NUAK1: variants seen among roughly 807,000 people sequenced by gnomAD.
The protein encoded by NUAK1 is NUAK family kinase 1, also known as NUAK family SNF1-like kinase 1.
A neutral mutation model predicts 56.9 loss-of-function variants in NUAK1; 26 were observed. The observed-to-expected ratio is 0.46, with a 90% CI of 0.33 to 0.63. The LOEUF (loss-of-function observed/expected upper bound fraction) is 0.63, where lower values mean the gene tolerates loss of function less well. Ranked by LOEUF, NUAK1 falls within the 30% of genes least tolerant of loss-of-function variation. The pLI is 0.02. For missense variants in NUAK1, 727 were observed against 876.1 expected, an observed-to-expected ratio of 0.83 and a Z score of 2.15; for synonymous variants, 337 against 336.0, an observed-to-expected ratio of 1.00 and a Z score of -0.03.
chr12:106,125,319 A>G (rs2033015926), intron 1 of NUAK1, among the ~76,000 whole-genome samples: 1 of 152,208 alleles, frequency 6.6e-6, no homozygotes, highest in Admixed American at 6.5e-5. Context: ...GGATCATGAA[A>G]TTAAGTTCTT....
Position 106,086,727 on chromosome 12 carries a change from G to A in NUAK1, c.513+7C>T. The A allele has an allele frequency of 6.2e-7, 1 of 1,607,524 alleles. No homozygotes were observed. The highest frequency in any genetic ancestry group is 1.1e-5 in the South Asian group (1 of 90,830). ...CGGCCAAAGCTGCGGGCCAGGCGCAGCCATACCTTGTGACAATAGTGCACA... is the reference window on the plus strand; with the variant it reads ...CGGCCAAAGCTGCGGGCCAGGCGCAACCATACCTTGTGACAATAGTGCACA... On this transcript the variant is annotated splice_region_variant and intron_variant, in intron 3 of 6. Transcript: ENST00000261402.
Position 106,065,478 on chromosome 12 carries a change from T to C in NUAK1, c.*1324A>G, listed in dbSNP as rs1380096706. The C allele has an allele frequency of 6.6e-6, 1 of 151,972 alleles. No individual in the cohort carries two copies. The highest frequency in any genetic ancestry group is 1.5e-5 in the Non-Finnish European group (1 of 68,010). 9.4% of individuals were successfully genotyped at this position (151,972 alleles called of 1,614,324 possible). Reference sequence around the variant, plus strand: ...CATTTAAATGAATGGAACTTTCTCTTCCCCCAAAGCCCAGGAGTTCATGGC... The same window carrying C: ...CATTTAAATGAATGGAACTTTCTCTCCCCCCAAAGCCCAGGAGTTCATGGC... On this transcript the variant is annotated 3_prime_UTR_variant, in exon 7 of 7. Transcript: ENST00000261402.
At chr12:106,134,600 T>C (rs1274651795) in intron 1 of NUAK1, among the ~76,000 whole-genome samples, 3 of 152,192 alleles carry the variant, frequency 2.0e-5, no homozygotes, top group East Asian at 1.9e-4. Context: ...AGTGAGGAAG[T>C]TGAACTTGGC....
intron 2 of NUAK1, among the ~76,000 whole-genome samples, chr12:106,099,284 G>A (rs1401446882): frequency 1.3e-5 from 2 of 152,162 alleles, no homozygotes; most frequent in South Asian, 2.1e-4. Context: ...GGGCCTGGGG[G>A]TATTGTGATT....
At chr12:106,137,201 G>GT (rs1173798400) in intron 1 of NUAK1, among the ~76,000 whole-genome samples, 3 of 151,334 alleles carry the variant, frequency 2.0e-5, no homozygotes, top group Non-Finnish European at 4.4e-5. Context: ...GCACCCCCAT[G>GT]TTTTTTTCAC....
intron 1 of NUAK1, among the ~76,000 whole-genome samples, chr12:106,120,965 G>A (rs924205825): frequency 1.3e-5 from 2 of 152,180 alleles, no homozygotes; most frequent in Non-Finnish European, 2.9e-5. Flanking sequence ...GCATTACAGT[G>A]ACCTACGGGT....
intron 1 of NUAK1, among the ~76,000 whole-genome samples, chr12:106,135,362 G>A (rs1372933450): frequency 6.6e-6 from 1 of 152,240 alleles, no homozygotes; most frequent in Non-Finnish European, 1.5e-5. Flanking sequence ...ACGACACACA[G>A]GGTCGCACCA....
intron 1 of NUAK1, among the ~76,000 whole-genome samples, chr12:106,132,691 T>G (rs568984808): frequency 6.6e-6 from 1 of 152,170 alleles, no homozygotes; most frequent in East Asian, 1.9e-4. Context: ...CTCCTCGAGG[T>G]CCAACAAACA....
intron 2 of NUAK1, among the ~76,000 whole-genome samples, chr12:106,089,573 C>CT (rs1449635124): frequency 1.3e-5 from 2 of 152,200 alleles, no homozygotes; most frequent in African/African-American, 2.4e-5. Context: ...AGGTGGATCA[C>CT]TTGAGGCCAG....
At chr12:106,098,801 GT>G (rs1367835889) in intron 2 of NUAK1, among the ~76,000 whole-genome samples, 1 of 152,188 alleles carries the variant, frequency 6.6e-6, no homozygotes, top group East Asian at 1.9e-4. Context: ...GGGTGAGACA[GT>G]GCGCCTTTGA....
intron 1 of NUAK1, among the ~76,000 whole-genome samples, chr12:106,118,090 T>G (rs920585766): frequency 1.3e-5 from 2 of 152,238 alleles, no homozygotes; most frequent in African/African-American, 4.8e-5. Flanking sequence ...CAGATTCCAC[T>G]CTGGTCCAAG....
At chr12:106,079,544 T>A (rs181451685) in intron 4 of NUAK1, among the ~76,000 whole-genome samples, 1 of 152,236 alleles carries the variant, frequency 6.6e-6, no homozygotes, top group East Asian at 1.9e-4. Context: ...CAAAAAGGAA[T>A]GAGCAGAGCA....
At chr12:106,119,333 T>G (rs1253600007) in intron 1 of NUAK1, among the ~76,000 whole-genome samples, 2 of 152,086 alleles carry the variant, frequency 1.3e-5, no homozygotes, top group Non-Finnish European at 2.9e-5. Context: ...CCAGCCCTAT[T>G]TACTCCAAGG....
intron 6 of NUAK1, 81 bp from the exon 7 acceptor site, chr12:106,068,036 G>T (rs11112853): frequency 7.5e-7 from 1 of 1,339,838 alleles, no homozygotes; most frequent in Non-Finnish European, 1.0e-6. Flanking sequence ...CAGGAGTGAC[G>T]AAAGACACAC....
At chr12:106,082,143 T>A (rs2032524568) in intron 4 of NUAK1, among the ~76,000 whole-genome samples, 1 of 152,210 alleles carries the variant, frequency 6.6e-6, no homozygotes, top group Admixed American at 6.5e-5. Context: ...TCTCCAGGAC[T>A]GGGCACAGGG....
At chr12:106,083,782 G>T in intron 4 of NUAK1, 82 bp downstream of exon 4, 1 of 1,227,294 alleles carries the variant, frequency 8.1e-7, no homozygotes, top group Non-Finnish European at 1.2e-6. Context: ...TTATTTCCAG[G>T]CTGCGGCTTG....
intron 1 of NUAK1, among the ~76,000 whole-genome samples, chr12:106,113,559 C>T (rs901588823): frequency 2.6e-5 from 4 of 151,682 alleles, no homozygotes; most frequent in African/African-American, 7.3e-5. Context: ...TCTTTACAGC[C>T]TCCCAGGTGA....
chr12:106,067,309 A>G lies in NUAK1; in HGVS notation c.1479T>C (p.Ser493=), dbSNP rs1211951486. Residue 493 remains serine (S), a synonymous_variant, in exon 7 of 7, where the codon AGT becomes AGC. Transcript: ENST00000261402. The surrounding 1 kb of genome is among the most constrained non-coding windows in gnomAD (Gnocchi z 6.0). ...ERSESSELLD[S]NDVMGSSIPS... ...GGATGCTGCTGCCCATCACATCATT[A>G]CTGTCCAACAGCTCCGAAGACTCAC... 6.2e-7 allele frequency: 1 copy of G among 1,614,150 alleles called. No individual in the cohort carries two copies. The highest frequency in any genetic ancestry group is 1.3e-5 in the African/African-American group (1 of 75,024).
chr12:106,137,697 C>T (rs1294593746), intron 1 of NUAK1, among the ~76,000 whole-genome samples: 8 of 152,352 alleles, frequency 5.3e-5, no homozygotes, highest in Middle Eastern at 3.4e-3. Context: ...GGTTTGGTAG[C>T]CCTGCAACCA....
Sources: gnomAD v4.1 joint callset for allele counts (sites outside exome capture counted in the v4.1 genomes callset) on GRCh38, gnomAD v4.1.1 for gene constraint, Gnocchi (gnomAD v3.1) non-coding constraint, MANE v1.5 for transcripts, NCBI Gene and HGNC (gene_info 2026-07-23, HGNC 2026-07-21) for gene names.